Variants in UNC5C observed in about 807,000 individuals in gnomAD.
UNC5C encodes the protein netrin receptor UNC5C.
Under a neutral mutation model 99.8 loss-of-function variants are expected in UNC5C, and 47 were observed. The ratio of observed to expected loss-of-function variants is 0.47; its 90% CI spans 0.37 to 0.60. The LOEUF is 0.60. Ranked by LOEUF, UNC5C falls within the 20% of genes least tolerant of loss-of-function variation. The probability of loss-of-function intolerance (pLI) is 0.00; values close to 1 mark genes in which losing one functional copy is unlikely to be tolerated. For missense variants in UNC5C, 1,062 were observed against 1,165.9 expected (o/e 0.91, Z 1.30); for synonymous variants, 487 against 452.2 (o/e 1.08, Z -0.98).
intron 1 of UNC5C, among the ~76,000 whole-genome samples, chr4:95,482,996 A>G (rs1721209363): frequency 9.8e-6 from 1 of 101,540 alleles, no homozygotes; most frequent in African/African-American, 4.7e-5. Context: ...GTACCCTAAA[A>G]CTTAAAGTAT....
chr4:95,411,463 T>C (rs1349993602), intron 1 of UNC5C, among the ~76,000 whole-genome samples: 4 of 152,220 alleles, frequency 2.6e-5, no homozygotes, highest in Admixed American at 2.0e-4. Context: ...ATTATGTTAC[T>C]TTTTTGGTTT....
At chr4:95,343,073 G>T (rs1580419) in intron 1 of UNC5C, among the ~76,000 whole-genome samples, 1 of 151,972 alleles carries the variant, frequency 6.6e-6, no homozygotes, top group Non-Finnish European at 1.5e-5. Flanking sequence ...CTCTGGATCC[G>T]CACAGGGCTG....
chr4:95,248,701 C>T (rs1369293339), intron 5 of UNC5C: 2 of 380,112 alleles, frequency 5.3e-6, no homozygotes, highest in African/African-American at 4.2e-5. Flanking sequence ...TCATGTACCC[C>T]ATAACATTTC....
chr4:95,514,120 TC>T (rs1401662728), intron 1 of UNC5C, among the ~76,000 whole-genome samples: 1 of 152,164 alleles, frequency 6.6e-6, no homozygotes, highest in Non-Finnish European at 1.5e-5. Context: ...TCCTCATTTT[TC>T]CATCGTCTCA....
At chr4:95,390,946 A>G (rs1458534252) in intron 1 of UNC5C, among the ~76,000 whole-genome samples, 1 of 152,188 alleles carries the variant, frequency 6.6e-6, no homozygotes, top group Non-Finnish European at 1.5e-5. Flanking sequence ...TGTAGCTCCC[A>G]TAATCCCCAC....
At chr4:95,199,599 CTAATTA>C (rs1737571338) in intron 12 of UNC5C, among the ~76,000 whole-genome samples, 1 of 152,156 alleles carries the variant, frequency 6.6e-6, no homozygotes. Flanking sequence ...CTTGGGTTCA[CTAATTA>C]TAATAATCAG....
At chr4:95,445,618 G>A (rs777550417) in intron 1 of UNC5C, among the ~76,000 whole-genome samples, 5 of 152,182 alleles carry the variant, frequency 3.3e-5, no homozygotes, top group Admixed American at 6.5e-5. Context: ...GCAATAATAT[G>A]TCTAGTATGA....
In UNC5C at chr4:95,267,949, A is replaced by ATTTTT. The variant is rs869293955; in HGVS notation, c.594+10305_594+10309dup. Among the ~76,000 whole-genome samples, 14 of 117,570 alleles carry ATTTTT rather than the reference A, an allele frequency of 1.2e-4. 1 individual carries two copies. Among genetic ancestry groups the ATTTTT allele is most frequent in the African/African-American group, 3.8e-4 (11 of 29,166 alleles). 77.1% of individuals were successfully genotyped at this position (117,570 alleles called of 152,430 possible). ...ATGATCCTGTAGGCTGAATTTTGTG[A>ATTTTT]TTTTTTTTTTTTTTTTTTGAGACGG... is the stretch of plus-strand genomic sequence containing the variant. On this transcript the variant is annotated intron_variant, in intron 4 of 15. Transcript: ENST00000453304.
intron 3 of UNC5C, among the ~76,000 whole-genome samples, chr4:95,297,425 C>T (rs749271999): frequency 6.6e-6 from 1 of 152,116 alleles, no homozygotes; most frequent in Non-Finnish European, 1.5e-5. Context: ...TTCTTTATAA[C>T]AGTTTTAATT....
chr4:95,523,728 CA>C, intron 1 of UNC5C, among the ~76,000 whole-genome samples: 1 of 152,082 alleles, frequency 6.6e-6, no homozygotes, highest in African/African-American at 2.4e-5. Context: ...CCATGTACTA[CA>C]AAAAAACACA....
intron 7 of UNC5C, among the ~76,000 whole-genome samples, chr4:95,225,827 T>C (rs930285228): frequency 6.6e-6 from 1 of 152,162 alleles, no homozygotes; most frequent in Admixed American, 6.5e-5. Flanking sequence ...TAAAAAGTTA[T>C]GTAAGGCATC....
At chr4:95,177,828 A>G (rs1736433150) in intron 14 of UNC5C, among the ~76,000 whole-genome samples, 1 of 151,188 alleles carries the variant, frequency 6.6e-6, no homozygotes, top group Admixed American at 6.6e-5. Context: ...CAGTCTCCCA[A>G]ATAGCTGAGA....
At chr4:95,449,921 A>G (rs1344833393) in intron 1 of UNC5C, among the ~76,000 whole-genome samples, 3 of 152,198 alleles carry the variant, frequency 2.0e-5, no homozygotes, top group African/African-American at 4.8e-5. Flanking sequence ...CATTTCAAGA[A>G]ATCAAAGTTC....
At chr4:95,214,456 C>T (rs2621449) in intron 10 of UNC5C, among the ~76,000 whole-genome samples, 1 of 152,026 alleles carries the variant, frequency 6.6e-6, no homozygotes. Context: ...AGAACCCTAA[C>T]AGCAGAAAAG....
Position 95,501,278 on chromosome 4 carries a change from A to AT in UNC5C, c.124+47455dup, listed in dbSNP as rs947552307. Among the ~76,000 whole-genome samples, 8 of 151,928 alleles carry AT rather than the reference A, an allele frequency of 5.3e-5. No homozygotes were observed. The South Asian group carries it at 6.2e-4, about 12-fold the overall frequency. ...TTCTTTAAAAGAACTAGCTAGAGGC[A>AT]TTTTTTTTATTGGCTCAGAATTCTG... is the stretch of plus-strand genomic sequence containing the variant. On this transcript the variant is annotated intron_variant, in intron 1 of 15. Transcript: ENST00000453304.
At chr4:95,248,703 T>C (rs1010179746) in intron 5 of UNC5C, 2 of 380,366 alleles carry the variant, frequency 5.3e-6, no homozygotes, top group Non-Finnish European at 1.0e-5. Context: ...ATGTACCCCA[T>C]AACATTTCAG....
rs559524731 is a variant in UNC5C, at chr4:95,198,540, G to A, written c.2136+4191C>T. On this transcript the variant is annotated intron_variant, in intron 12 of 15. Coordinates refer to ENST00000453304, the MANE Select transcript of UNC5C (RefSeq NM_003728.4). ...TTTAAGTCATGACACTGAATTTGAG[G>A]GAATGATGGGAATAAAATGGATGGA... 8.9e-5 allele frequency among the ~76,000 whole-genome samples: 11 copies of A among 123,060 alleles called. No homozygotes were observed. In the East Asian group the frequency reaches 1.3e-3, roughly 15 times the overall value. 80.7% of individuals were successfully genotyped at this position (123,060 alleles called of 152,430 possible).
chr4:95,521,989 G>T (rs951182727), intron 1 of UNC5C, among the ~76,000 whole-genome samples: 2 of 151,860 alleles, frequency 1.3e-5, no homozygotes, highest in Non-Finnish European at 2.9e-5. Context: ...TCAGAAATGT[G>T]CATTTCTTTT....
intron 1 of UNC5C, among the ~76,000 whole-genome samples, chr4:95,536,082 A>ATT (rs940269233): frequency 0.011 from 861 of 78,412 alleles, 13 homozygotes; most frequent in South Asian, 0.041. Flanking sequence ...ATATATATAT[A>ATT]TTTTTTTTTT....
Sources: gnomAD v4.1 joint callset for allele counts (sites outside exome capture counted in the v4.1 genomes callset) on GRCh38, gnomAD v4.1.1 for gene constraint, MANE v1.5 for transcripts, NCBI Gene and HGNC (gene_info 2026-07-23, HGNC 2026-07-21) for gene names.